Variants in PRLR observed in about 807,000 individuals in gnomAD.
PRLR encodes hPRL receptor.
PRLR carries 13 observed loss-of-function variants against 40.2 expected under a neutral mutation model. That is an observed-to-expected ratio of 0.32 (90% CI 0.21 to 0.51). The LOEUF is 0.51. Ranked by LOEUF, PRLR falls within the 20% of genes least tolerant of loss-of-function variation. The probability of loss-of-function intolerance (pLI) is 0.97; values close to 1 mark genes in which losing one functional copy is unlikely to be tolerated. For synonymous variants in PRLR, 269 were observed against 278.7 expected (o/e 0.97, Z 0.35); for missense variants, 656 against 747.3 (o/e 0.88, Z 1.42).
At chr5:35,090,849 C>T (rs1470103134) in intron 2 of PRLR, among the ~76,000 whole-genome samples, 15 of 116,798 alleles carry the variant, frequency 1.3e-4, no homozygotes, top group South Asian at 2.9e-4. Flanking sequence ...CTCGCTCTTT[C>T]GCCCAGGCTG....
downstream of PRLR, among the ~76,000 whole-genome samples, chr5:35,053,447 A>G (rs1768575459): frequency 6.6e-6 from 1 of 152,096 alleles, no homozygotes; most frequent in African/African-American, 2.4e-5. Flanking sequence ...GAGGTCAGGA[A>G]TTTGAGACCA....
In PRLR at chr5:35,065,884, G is replaced by T; in HGVS notation, c.1074C>A (p.Ser358=). ...DSGRGSCDSP[S]LLSEKCEEPQ... ...GTTCCTCACACTTTTCAGACAAAAGGGAAGGGCTGTCACAGCTCCCCCGGC... is the reference window on the plus strand; with the variant it reads ...GTTCCTCACACTTTTCAGACAAAAGTGAAGGGCTGTCACAGCTCCCCCGGC... The change falls in exon 10 of 10, where the codon TCC becomes TCA. Residue 358 remains serine (S), a synonymous_variant. Coordinates refer to ENST00000618457, the MANE Select transcript of PRLR (RefSeq NM_000949.7). 2 of 1,614,120 alleles carry T rather than the reference G, an allele frequency of 1.2e-6. No individual in the cohort carries two copies. The highest frequency in any genetic ancestry group is 1.7e-6 in the Non-Finnish European group (2 of 1,180,016).
rs891803250 is a variant in PRLR at position 35,064,982 on chromosome 5, G to C, written c.*107C>G. 2 of 1,262,456 alleles carry C rather than the reference G, an allele frequency of 1.6e-6. No homozygotes were observed. The highest frequency in any genetic ancestry group is 5.2e-5 in the Admixed American group (2 of 38,396). 78.2% of individuals were successfully genotyped at this position (1,262,456 alleles called of 1,614,324 possible). On this transcript the variant is annotated 3_prime_UTR_variant, in exon 10 of 10. Transcript: ENST00000618457. ...AAAAATGGAGCATGAAAGGAGCTGG[G>C]AGCTTTAGTAGTGTCAGTCTGACTA... is the stretch of plus-strand genomic sequence containing the variant.
intron 4 of PRLR, among the ~76,000 whole-genome samples, chr5:35,085,597 G>A (rs975906350): frequency 6.6e-6 from 1 of 152,038 alleles, no homozygotes; most frequent in Admixed American, 6.6e-5. Flanking sequence ...TTCCCTACAA[G>A]GTTCTTTATT....
intron 5 of PRLR, among the ~76,000 whole-genome samples, chr5:35,075,581 G>A (rs942892668): frequency 2.6e-5 from 4 of 152,192 alleles, no homozygotes; most frequent in South Asian, 4.1e-4. Context: ...CAAGGAGGCC[G>A]GCCTGCCTCT....
chr5:35,092,064 C>A (rs1771247830), intron 2 of PRLR, among the ~76,000 whole-genome samples: 1 of 152,092 alleles, frequency 6.6e-6, no homozygotes, highest in South Asian at 2.1e-4. Flanking sequence ...GTGGGTCAGG[C>A]AGCAGTAGAT....
intron 1 of PRLR, among the ~76,000 whole-genome samples, chr5:35,216,459 G>A (rs1213729436): frequency 6.6e-6 from 1 of 152,212 alleles, no homozygotes; most frequent in Non-Finnish European, 1.5e-5. Flanking sequence ...AGAGGTAAAA[G>A]AAATTCTTCC....
At position 35,211,372 on chromosome 5, in the gene PRLR, G is replaced by A. The variant is rs577494625; in HGVS notation, c.-106+18896C>T. ...TTCCAGCCTAGTCACTGCACTTCAA[G>A]GACTCACAAGACCTGAAGAGACAGT... On this transcript the variant is annotated intron_variant, in intron 1 of 9. Coordinates refer to ENST00000618457, the MANE Select transcript of PRLR (RefSeq NM_000949.7). Among the ~76,000 whole-genome samples the A allele has an allele frequency of 4.6e-5, 7 of 152,276 alleles. No individual in the cohort carries two copies. In the South Asian group the frequency reaches 1.5e-3, roughly 32 times the overall value.
chr5:35,099,509 ATTG>A (rs1415765195), intron 2 of PRLR, among the ~76,000 whole-genome samples: 1 of 152,224 alleles, frequency 6.6e-6, no homozygotes, highest in Non-Finnish European at 1.5e-5. Context: ...TATACTTTTT[ATTG>A]TTATTTTACA....
At chr5:35,136,566 T>C (rs1773863764) in intron 1 of PRLR, among the ~76,000 whole-genome samples, 1 of 152,146 alleles carries the variant, frequency 6.6e-6, no homozygotes, top group South Asian at 2.1e-4. Flanking sequence ...GACTGAGTCA[T>C]GCATGGGAGA....
intron 1 of PRLR, among the ~76,000 whole-genome samples, chr5:35,147,732 G>A (rs1774219863): frequency 2.6e-5 from 4 of 152,126 alleles, no homozygotes; most frequent in Admixed American, 2.6e-4. Flanking sequence ...TCAGAAGAAA[G>A]GCCTTGGTTT....
At position 35,181,211 on chromosome 5, in the gene PRLR, A is replaced by T. The variant is rs575326854; in HGVS notation, c.-106+49057T>A. Among the ~76,000 whole-genome samples, 5 of 152,312 alleles carry T rather than the reference A, an allele frequency of 3.3e-5. No homozygotes were observed. The South Asian group carries it at 1.0e-3, about 32-fold the overall frequency. On this transcript the variant is annotated intron_variant, in intron 1 of 9. Coordinates refer to ENST00000618457, the MANE Select transcript of PRLR (RefSeq NM_000949.7). ...ACTTTACATTGGAATTCCACTAGCCATTCAATTTATTTAACCAAGGATAAT... is the reference window on the plus strand; with the variant it reads ...ACTTTACATTGGAATTCCACTAGCCTTTCAATTTATTTAACCAAGGATAAT...
chr5:35,138,253 A>G (rs976352375), intron 1 of PRLR, among the ~76,000 whole-genome samples: 63 of 152,342 alleles, frequency 4.1e-4, no homozygotes, highest in Admixed American at 2.3e-3. Context: ...TCAGTTTTGC[A>G]AGATGAAAAG....
intron 2 of PRLR, among the ~76,000 whole-genome samples, chr5:35,100,004 G>A (rs774689585): frequency 1.3e-5 from 2 of 151,576 alleles, no homozygotes; most frequent in South Asian, 2.1e-4. Flanking sequence ...GTGAAACCCC[G>A]TCTCTACTAA....
intron 1 of PRLR, among the ~76,000 whole-genome samples, chr5:35,212,040 A>G (rs1057368038): frequency 1.3e-5 from 2 of 152,208 alleles, no homozygotes; most frequent in African/African-American, 4.8e-5. Flanking sequence ...AATATTTACT[A>G]TCTGGCTCTT....
At chr5:35,157,646 G>C (rs557111607) in intron 1 of PRLR, among the ~76,000 whole-genome samples, 4 of 152,248 alleles carry the variant, frequency 2.6e-5, no homozygotes, top group East Asian at 3.9e-4. Context: ...GTTCCAAGAA[G>C]ACACTCTGGC....
chr5:35,090,466 G>A (rs1256239608), intron 2 of PRLR, among the ~76,000 whole-genome samples: 2 of 152,074 alleles, frequency 1.3e-5, no homozygotes, highest in Non-Finnish European at 2.9e-5. Flanking sequence ...TGGAAAAAAA[G>A]GCTCATTAGT....
intron 1 of PRLR, among the ~76,000 whole-genome samples, chr5:35,119,880 G>T (rs1437783040): frequency 6.6e-6 from 1 of 152,276 alleles, no homozygotes; most frequent in East Asian, 1.9e-4. Context: ...AGCAGTGAGG[G>T]CTTCGGGGCA....
chr5:35,100,733 T>C (rs1771826333), intron 2 of PRLR, among the ~76,000 whole-genome samples: 1 of 152,200 alleles, frequency 6.6e-6, no homozygotes, highest in Non-Finnish European at 1.5e-5. Flanking sequence ...ATGACTGTAC[T>C]TCTAGCCTAG....
Sources: gnomAD v4.1 joint callset for allele counts (sites outside exome capture counted in the v4.1 genomes callset) on GRCh38, gnomAD v4.1.1 for gene constraint, MANE v1.5 for transcripts, NCBI Gene and HGNC (gene_info 2026-07-23, HGNC 2026-07-21) for gene names.